FBLN1: variants seen among roughly 807,000 people sequenced by gnomAD.
FBLN1 encodes the protein fibulin 1, also known as fibulin-1.
In FBLN1, 34 loss-of-function variants were observed where a neutral mutation model predicts 89.7. The ratio of observed to expected loss-of-function variants is 0.38; its 90% confidence interval spans 0.29 to 0.50. FBLN1 has a LOEUF of 0.50. FBLN1 is among the 20% of genes least tolerant of loss of function. The probability of loss-of-function intolerance (pLI) is 0.92; values close to 1 mark genes in which losing one functional copy is unlikely to be tolerated. For missense variants in FBLN1, 777 were observed against 988.1 expected, an observed-to-expected ratio of 0.79 and a Z score of 2.86; for synonymous variants, 393 against 391.3, an observed-to-expected ratio of 1.00 and a Z score of -0.05.
intron 1 of FBLN1, among the ~76,000 whole-genome samples, chr22:45,509,243 C>T (rs1236274072): frequency 6.6e-6 from 1 of 152,114 alleles, no homozygotes; most frequent in Non-Finnish European, 1.5e-5. Context: ...TGAGGATGCC[C>T]CTCTGTGCAC....
At chr22:45,542,612 C>CT (rs1333529006) in intron 10 of FBLN1, among the ~76,000 whole-genome samples, 2 of 152,326 alleles carry the variant, frequency 1.3e-5, no homozygotes, top group East Asian at 1.9e-4. Context: ...AGATTCACCG[C>CT]TGAGCTGTAG....
Position 45,581,490 on chromosome 22 carries a change from G to A in FBLN1, c.1972+4382G>A, listed in dbSNP as rs2089041565. 6.6e-6 allele frequency among the ~76,000 whole-genome samples: 1 copy of A among 152,122 alleles called. No individual in the cohort carries two copies. Among genetic ancestry groups the A allele is most frequent in the Non-Finnish European group, 1.5e-5 (1 of 68,024 alleles). On this transcript the variant is annotated intron_variant, in intron 16 of 16. Transcript: ENST00000327858. This position sits in a 1 kb window ranked among gnomAD's most constrained non-coding sequence, Gnocchi z 7.6. ...AGGGAGGGAAATCTGTGTGCTATGA[G>A]GCTTGGTTGTGGCCACATTTCTGTT... is the stretch of plus-strand genomic sequence containing the variant.
chr22:45,535,708 A>C, intron 8 of FBLN1: 1 of 236,036 alleles, frequency 4.2e-6, no homozygotes, highest in Non-Finnish European at 8.3e-6. Flanking sequence ...AGTTAGAGTG[A>C]CCCAAGAAAA....
At chr22:45,525,501 C>G in intron 2 of FBLN1, 42 bp from the exon 3 acceptor site, 1 of 1,547,354 alleles carries the variant, frequency 6.5e-7, no homozygotes, top group Non-Finnish European at 8.7e-7. Context: ...CCCTGGGCCC[C>G]CTGCGCACAG....
intron 1 of FBLN1, chr22:45,503,270 G>A (rs969907319): frequency 1.3e-5 from 4 of 314,546 alleles, no homozygotes; most frequent in African/African-American, 6.6e-5. Context: ...CTGGGGACTT[G>A]TTTCAAAACC....
At chr22:45,504,116 T>C (rs2087985868) in intron 1 of FBLN1, among the ~76,000 whole-genome samples, 1 of 151,944 alleles carries the variant, frequency 6.6e-6, no homozygotes, top group East Asian at 1.9e-4. Context: ...CCTGGTTTAG[T>C]TGAGTTCCTT....
In FBLN1 at chr22:45,516,716, C is replaced by T. The variant is rs148929616; in HGVS notation, c.80-1966C>T. Among the ~76,000 whole-genome samples, 666 of 152,346 alleles carry T rather than the reference C, an allele frequency of 4.4e-3. 5 individuals carry two copies. The highest frequency in any genetic ancestry group is 3.2e-3 in the Non-Finnish European group (216 of 68,034). ...GGCTTTGCTGTGGCACGAAACTTCA[C>T]CCTTACCCACGCCACTGCAGGACTC... On this transcript the variant is annotated intron_variant, in intron 1 of 16. Coordinates refer to ENST00000327858, the MANE Select transcript of FBLN1 (RefSeq NM_006486.3).
At chr22:45,527,377 T>C (rs1307001664) in intron 3 of FBLN1, among the ~76,000 whole-genome samples, 2 of 152,188 alleles carry the variant, frequency 1.3e-5, no homozygotes. Flanking sequence ...CAATTCCTGC[T>C]GCCAGAACCC....
chr22:45,522,535 A>G (rs1354237416), intron 2 of FBLN1, among the ~76,000 whole-genome samples: 1 of 152,150 alleles, frequency 6.6e-6, no homozygotes, highest in Non-Finnish European at 1.5e-5. Context: ...AGAGGACTGC[A>G]GGGAGAGGCC....
In FBLN1 at chr22:45,574,777, CTTTTTTTTTTTT is replaced by C. The variant is rs756869112; in HGVS notation, c.1840+135_1840+146del. Reference sequence around the variant, plus strand: ...CCCAGGCTTTGAAATGCAGAACTTTCTTTTTTTTTTTTTTTTTTTTTTGAGACGGAGTCTCGC... The same window carrying C: ...CCCAGGCTTTGAAATGCAGAACTTTCTTTTTTTTTTGAGACGGAGTCTCGC... On this transcript the variant is annotated intron_variant, in intron 15 of 16. Coordinates refer to ENST00000327858, the MANE Select transcript of FBLN1 (RefSeq NM_006486.3). This position sits in a 1 kb window ranked among gnomAD's most constrained non-coding sequence, Gnocchi z 4.1. 1.8e-5 allele frequency: 8 copies of C among 452,008 alleles called. No individual in the cohort carries two copies. In the Admixed American group the frequency reaches 2.4e-4, roughly 13 times the overall value. 28.0% of individuals were successfully genotyped at this position (452,008 alleles called of 1,614,324 possible).
chr22:45,580,340 G>A lies in FBLN1; in HGVS notation c.1972+3232G>A, dbSNP rs1307489359. On this transcript the variant is annotated intron_variant, in intron 16 of 16. Coordinates refer to ENST00000327858, the MANE Select transcript of FBLN1 (RefSeq NM_006486.3). The surrounding 1 kb of genome is among the most constrained non-coding windows in gnomAD (Gnocchi z 8.6). ...CCTGCAGCACACGGCAGGGAACGCC[G>A]CCTACTCACGGTGCTTGCTGAACAC... is the stretch of plus-strand genomic sequence containing the variant. 3.9e-5 allele frequency among the ~76,000 whole-genome samples: 6 copies of A among 152,222 alleles called. No homozygotes were observed. Among genetic ancestry groups the A allele is most frequent in the Middle Eastern group, 3.4e-3 (1 of 294 alleles).
At chr22:45,573,479 G>T (rs1398683527) in intron 14 of FBLN1, among the ~76,000 whole-genome samples, 2 of 151,502 alleles carry the variant, frequency 1.3e-5, no homozygotes, top group Non-Finnish European at 2.9e-5. Context: ...TTCAAGACCA[G>T]CCTGACCAAC....
chr22:45,509,937 G>A (rs1210229838), intron 1 of FBLN1, among the ~76,000 whole-genome samples: 7 of 152,174 alleles, frequency 4.6e-5, no homozygotes, highest in Admixed American at 4.6e-4. Context: ...GAGGCACACA[G>A]GATGAAGCCT....
At chr22:45,598,460 A>T (rs1601550592) in intron 16 of FBLN1, among the ~76,000 whole-genome samples, 1 of 152,178 alleles carries the variant, frequency 6.6e-6, no homozygotes, top group South Asian at 2.1e-4. Flanking sequence ...AAATGTCAGC[A>T]CCCATAGGTC....
Position 45,545,085 on chromosome 22 carries a change from C to T in FBLN1, c.1321+1559C>T, listed in dbSNP as rs994030279. 1.3e-5 allele frequency among the ~76,000 whole-genome samples: 2 copies of T among 152,172 alleles called. No homozygotes were observed. Among genetic ancestry groups the T allele is most frequent in the South Asian group, 2.1e-4 (1 of 4,822 alleles). The stretch of plus-strand genomic sequence containing the variant: ...ATTTTCCTTCCTGATGAGATGGTCG[C>T]AGGGGTTGGATATGCCACAGTGAGC... On this transcript the variant is annotated intron_variant, in intron 11 of 16. Transcript: ENST00000327858. The surrounding 1 kb of genome is among the most constrained non-coding windows in gnomAD (Gnocchi z 5.9).
intron 1 of FBLN1, among the ~76,000 whole-genome samples, chr22:45,514,550 C>T (rs1272467508): frequency 2.0e-5 from 3 of 152,200 alleles, no homozygotes; most frequent in Non-Finnish European, 4.4e-5. Flanking sequence ...TGGGTGGGCT[C>T]CAGCCCCTCG....
In FBLN1 at chr22:45,578,034, T is replaced by A. The variant is rs571321338; in HGVS notation, c.1972+926T>A. ...AAGCAGCTGAGCAACGGACGGACAG[T>A]CCCTGACCTCCCCTGGGCCTCAGTT... On this transcript the variant is annotated intron_variant, in intron 16 of 16. Coordinates refer to ENST00000327858, the MANE Select transcript of FBLN1 (RefSeq NM_006486.3). This position sits in a 1 kb window ranked among gnomAD's most constrained non-coding sequence, Gnocchi z 4.6. 2.0e-5 allele frequency: 3 copies of A among 152,418 alleles called. No homozygotes were observed. Among genetic ancestry groups the A allele is most frequent in the Admixed American group, 2.0e-4 (3 of 15,310 alleles). The allele number at this position is 152,418 out of a possible 1,614,324, so 9.4% of individuals were successfully genotyped here. A position where few individuals can be genotyped will look rare whatever the true frequency, so the allele number is the denominator to read the frequency against.
intron 14 of FBLN1, among the ~76,000 whole-genome samples, chr22:45,566,470 A>G (rs1428771907): frequency 6.6e-6 from 1 of 152,214 alleles, no homozygotes; most frequent in Admixed American, 6.5e-5. Flanking sequence ...TTCTCGGCTC[A>G]TGCTGCTGAC....
chr22:45,574,692 G>A lies in FBLN1; in HGVS notation c.1840+39G>A. 6.3e-7 allele frequency: 1 copy of A among 1,594,342 alleles called. No homozygotes were observed. The highest frequency in any genetic ancestry group is 1.1e-5 in the South Asian group (1 of 89,232). On this transcript the variant is annotated intron_variant, in intron 15 of 16. Coordinates refer to ENST00000327858, the MANE Select transcript of FBLN1 (RefSeq NM_006486.3). The surrounding 1 kb of genome is among the most constrained non-coding windows in gnomAD (Gnocchi z 4.1). Reference sequence around the variant, plus strand: ...GTGTGGGGGTCCCAGGGCCCCCTAGGGCCTCCCTCGGCTTCAGCTGAGGGC... The same window carrying A: ...GTGTGGGGGTCCCAGGGCCCCCTAGAGCCTCCCTCGGCTTCAGCTGAGGGC...
Sources: allele counts gnomAD v4.1 joint callset (sites outside exome capture counted in the v4.1 genomes callset), GRCh38; gene constraint gnomAD v4.1.1; non-coding constraint Gnocchi (gnomAD v3.1); transcripts MANE v1.5; gene names NCBI Gene and HGNC (gene_info 2026-07-23, HGNC 2026-07-21).